LIPA: variants seen among roughly 807,000 people sequenced by gnomAD.
LIPA encodes the protein lysosomal acid lipase/cholesteryl ester hydrolase.
LIPA carries 26 observed loss-of-function variants against 40.6 expected under a neutral mutation model. The ratio of observed to expected loss-of-function variants is 0.64; its 90% confidence interval spans 0.47 to 0.89. The LOEUF (loss-of-function observed/expected upper bound fraction) is 0.89. LIPA is among the 40% of genes least tolerant of loss of function. The pLI is 0.00. For synonymous variants in LIPA, 188 were observed against 168.4 expected (o/e 1.12, Z -0.90); for missense variants, 455 against 479.6 (o/e 0.95, Z 0.48).
chr10:89,214,849 A>G lies in LIPA; in HGVS notation c.1179T>C (p.Asn393=), dbSNP rs1842600280. The change falls in exon 10 of 10, where the codon AAT becomes AAC. Residue 393 remains asparagine, a synonymous_variant. Coordinates refer to ENST00000336233, the MANE Select transcript of LIPA (RefSeq NM_000235.4). ...GCTTTCACTGATATTTCCTCATTAGATTAATAATTTTATTATAAAGCCTCC... is the reference window on the plus strand; with the variant it reads ...GCTTTCACTGATATTTCCTCATTAGGTTAATAATTTTATTATAAAGCCTCC... ...APWRLYNKII[N]LMRKYQ The G allele has an allele frequency of 3.1e-6, 5 of 1,601,892 alleles. No individual in the cohort carries two copies. The East Asian group carries it at 8.9e-5, about 29-fold the overall frequency.
rs144234260 is a variant in LIPA at position 89,262,304 on chromosome 10, T to C, written c.-1-14655A>G. 8.9e-4 allele frequency among the ~76,000 whole-genome samples: 135 copies of C among 152,272 alleles called. 2 individuals carry two copies. Among genetic ancestry groups the C allele is most frequent in the Middle Eastern group, 6.8e-3 (2 of 294 alleles). ...GCAATGAGGCATGAATTAAACAGCA[T>C]TGAGTATCTAGTAAGGCTTCCCTCA... On this transcript the variant is annotated intron_variant, in intron 1 of 5. Transcript: ENST00000282673.
intron 1 of LIPA, among the ~76,000 whole-genome samples, chr10:89,250,067 CT>C: frequency 8.3e-6 from 1 of 120,300 alleles, no homozygotes; most frequent in East Asian, 2.3e-4. Flanking sequence ...AAATTCTTTT[CT>C]TTTTTCTTTT....
At chr10:89,342,858 T>C (rs745977273), upstream of LIPA, among the ~76,000 whole-genome samples, 4 of 152,268 alleles carry the variant, frequency 2.6e-5, no homozygotes, top group Non-Finnish European at 5.9e-5. Flanking sequence ...TGGATGCTGC[T>C]TTTGTAATCT....
intron 2 of LIPA, chr10:89,412,619 T>G (rs1317323838): frequency 4.6e-6 from 1 of 218,484 alleles, no homozygotes; most frequent in African/African-American, 2.4e-5. Context: ...ACACTGCCTT[T>G]ATGAGCTGTA....
intron 2 of LIPA, among the ~76,000 whole-genome samples, chr10:89,366,798 C>A (rs1025007332): frequency 5.3e-5 from 8 of 152,176 alleles, no homozygotes; most frequent in African/African-American, 1.9e-4. Context: ...CTAGAAATAC[C>A]ATTTGACCCA....
chr10:89,230,816 T>G (rs1842832289), intron 3 of LIPA, among the ~76,000 whole-genome samples: 1 of 152,224 alleles, frequency 6.6e-6, no homozygotes, highest in Non-Finnish European at 1.5e-5. Flanking sequence ...AAGAGTTCAC[T>G]ATATATCAAC....
chr10:89,366,332 T>C (rs1052129773), intron 2 of LIPA, among the ~76,000 whole-genome samples: 1 of 152,212 alleles, frequency 6.6e-6, no homozygotes, highest in Non-Finnish European at 1.5e-5. Context: ...GCTTATCAGC[T>C]TAAGGAGCTT....
At chr10:89,240,544 C>T (rs369472145) in intron 3 of LIPA, among the ~76,000 whole-genome samples, 3 of 152,304 alleles carry the variant, frequency 2.0e-5, no homozygotes, top group Admixed American at 6.5e-5. Context: ...CAGGCCTTAT[C>T]AAATTTTCAC....
chr10:89,269,027 A>G (rs796294751), intron 1 of LIPA, among the ~76,000 whole-genome samples: 34 of 150,664 alleles, frequency 2.3e-4, no homozygotes, highest in African/African-American at 8.1e-4. Context: ...GATTTACTTT[A>G]TTTAAAAATA....
At chr10:89,347,485 G>T (rs1247584995), upstream of LIPA, among the ~76,000 whole-genome samples, 7 of 152,174 alleles carry the variant, frequency 4.6e-5, no homozygotes, top group Admixed American at 3.3e-4. Flanking sequence ...TTAGCCAAGG[G>T]CCAACCTTGC....
At chr10:89,386,217 T>C (rs1196248776) in intron 2 of LIPA, among the ~76,000 whole-genome samples, 1 of 151,958 alleles carries the variant, frequency 6.6e-6, no homozygotes, top group Non-Finnish European at 1.5e-5. Flanking sequence ...CTACCAAGAA[T>C]TTTTCAAAAA....
intron 5 of LIPA, among the ~76,000 whole-genome samples, chr10:89,226,307 T>A (rs927906527): frequency 6.6e-6 from 1 of 152,188 alleles, no homozygotes. Flanking sequence ...ACTAAGGTGT[T>A]AGTCATAGTA....
intron 1 of LIPA, among the ~76,000 whole-genome samples, chr10:89,289,066 C>G (rs1447647126): frequency 6.6e-6 from 1 of 152,260 alleles, no homozygotes; most frequent in Admixed American, 6.5e-5. Flanking sequence ...AAAGAAGCAG[C>G]TAGCATTCCA....
At chr10:89,265,113 A>G (rs1276393749) in intron 1 of LIPA, among the ~76,000 whole-genome samples, 5 of 151,204 alleles carry the variant, frequency 3.3e-5, no homozygotes, top group African/African-American at 4.9e-5. Flanking sequence ...CTTGGCCACA[A>G]CTTTGTTCTG....
At chr10:89,242,182 A>C (rs1842972182) in intron 3 of LIPA, among the ~76,000 whole-genome samples, 1 of 152,232 alleles carries the variant, frequency 6.6e-6, no homozygotes, top group African/African-American at 2.4e-5. Context: ...TATGAAGTGT[A>C]ATTTCTGAAT....
intron 2 of LIPA, among the ~76,000 whole-genome samples, chr10:89,387,317 CAAA>C (rs565296927): frequency 1.2e-5 from 1 of 83,626 alleles, no homozygotes. Flanking sequence ...GACTCCGTCT[CAAA>C]AAAAAAAAAA....
Position 89,246,387 on chromosome 10 carries a change from A to T in LIPA, c.112-594T>A, listed in dbSNP as rs147479271. Among the ~76,000 whole-genome samples the T allele has an allele frequency of 3.3e-3, 496 of 152,336 alleles. 1 individual carries two copies. The highest frequency in any genetic ancestry group is 0.011 in the African/African-American group (470 of 41,576). On this transcript the variant is annotated intron_variant, in intron 2 of 9. Coordinates refer to ENST00000336233, the MANE Select transcript of LIPA (RefSeq NM_000235.4). Reference sequence around the variant, plus strand: ...TGGGATATGGATAATTCAATTATCCAGGGGATTTAATGTAAATAAGTGCAC... The same window carrying T: ...TGGGATATGGATAATTCAATTATCCTGGGGATTTAATGTAAATAAGTGCAC...
intron 2 of LIPA, among the ~76,000 whole-genome samples, chr10:89,372,348 G>C (rs1480146620): frequency 6.6e-5 from 10 of 152,192 alleles, no homozygotes; most frequent in Admixed American, 3.9e-4. Context: ...TTCTTCCAGT[G>C]GGGGAGACAA....
intron 2 of LIPA, among the ~76,000 whole-genome samples, chr10:89,356,581 T>C (rs1843989939): frequency 6.6e-6 from 1 of 152,178 alleles, no homozygotes; most frequent in Non-Finnish European, 1.5e-5. Context: ...GCATTCCTTA[T>C]GAGAATCTAA....
Sources: gnomAD v4.1 joint callset for allele counts (sites outside exome capture counted in the v4.1 genomes callset) on GRCh38, gnomAD v4.1.1 for gene constraint, MANE v1.5 for transcripts, NCBI Gene and HGNC (gene_info 2026-07-23, HGNC 2026-07-21) for gene names.